Variants in BNIP5 observed in about 807,000 individuals in gnomAD.
The protein encoded by BNIP5 is protein BNIP5.
In BNIP5, 61 loss-of-function variants were observed where a neutral mutation model predicts 67.3. That is an observed-to-expected ratio of 0.91 (90% CI 0.74 to 1.12). The LOEUF (loss-of-function observed/expected upper bound fraction) is 1.12. Among genes scored for constraint, BNIP5 ranks in the 50% most tolerant of loss-of-function variants. BNIP5 has a pLI of 0.00. For missense variants in BNIP5, 826 were observed against 816.3 expected (o/e 1.01, Z -0.14); for synonymous variants, 317 against 319.0 (o/e 0.99, Z 0.07).
intron 7 of BNIP5, among the ~76,000 whole-genome samples, chr6:36,323,850 A>T (rs1220110338): frequency 2.0e-5 from 3 of 152,072 alleles, no homozygotes; most frequent in Admixed American, 6.6e-5. Flanking sequence ...AAATACAAAA[A>T]TTAGCCGGGT....
intron 1 of BNIP5, among the ~76,000 whole-genome samples, chr6:36,331,367 G>A (rs1771902965): frequency 6.6e-6 from 1 of 152,154 alleles, no homozygotes; most frequent in Non-Finnish European, 1.5e-5. Context: ...AGACTGATGT[G>A]GGACTTCTCC....
At chr6:36,331,084 G>A (rs1771895985) in intron 1 of BNIP5, among the ~76,000 whole-genome samples, 4 of 152,140 alleles carry the variant, frequency 2.6e-5, no homozygotes, top group African/African-American at 7.2e-5. Flanking sequence ...CTCAGCAGAG[G>A]CCTCCTGGGC....
chr6:36,332,276 T>C (rs765767537), intron 1 of BNIP5, among the ~76,000 whole-genome samples: 21 of 152,292 alleles, frequency 1.4e-4, no homozygotes, highest in Non-Finnish European at 2.2e-4. Flanking sequence ...AGTTTGTTCA[T>C]GGTTTGTTCC....
Position 36,319,555 on chromosome 6 carries a change from A to T in BNIP5, c.1724T>A (p.Leu575His), listed in dbSNP as rs1162687366. 1.9e-6 allele frequency: 3 copies of T among 1,613,976 alleles called. No homozygotes were observed. The South Asian group carries it at 3.3e-5, about 18-fold the overall frequency. Residue 575 changes from leucine to histidine, a missense_variant, in exon 11 of 12, where the codon CTC becomes CAC. Transcript: ENST00000437635. ...GCGCAGGGTGGCTACCAGCTTGCTG[A>T]GGGAGGAGTCCGAGAACTCGTAAAA... is the stretch of plus-strand genomic sequence containing the variant. ...RFFYEFSDSS[L>H]SKLVATLRSQ...
At chr6:36,323,599 G>A in intron 7 of BNIP5, 66 bp from the exon 8 acceptor site, 2 of 1,590,188 alleles carry the variant, frequency 1.3e-6, no homozygotes, top group Non-Finnish European at 1.7e-6. Flanking sequence ...GGTGAGGTGG[G>A]GAAAGAGAGC....
intron 2 of BNIP5, among the ~76,000 whole-genome samples, 155 bp downstream of exon 2, chr6:36,329,918 AAGGAAGGG>A (rs1771847843): frequency 6.7e-6 from 1 of 148,198 alleles, no homozygotes; most frequent in African/African-American, 2.5e-5. Context: ...GGAAGGAAAG[AAGGAAGGG>A]AGGGAGGAAG....
chr6:36,323,144 C>G (rs1582125388), intron 8 of BNIP5, 149 bp downstream of exon 8: 16 of 1,145,440 alleles, frequency 1.4e-5, no homozygotes, highest in South Asian at 6.1e-5. Context: ...CCACACCCCC[C>G]ACTCTACTCA....
At position 36,322,442 on chromosome 6, in the gene BNIP5, T is replaced by G; in HGVS notation, c.1472A>C (p.Asp491Ala). 6.2e-7 allele frequency: 1 copy of G among 1,612,564 alleles called. No homozygotes were observed. The highest frequency in any genetic ancestry group is 8.5e-7 in the Non-Finnish European group (1 of 1,179,406). The change falls in exon 9 of 12, where the codon GAT becomes GCT. Residue 491 changes from aspartate to alanine, a missense_variant and splice_region_variant. Transcript: ENST00000437635. ...GHRPSTSSSL[D>A]PEDLECREPL... ...CTCCCGGCACTCGAGATCTTCTGGA[T>G]CTAGGGCAAAAAAAGAGTTGTTGAG...
At chr6:36,331,298 C>T (rs1205080860) in intron 1 of BNIP5, among the ~76,000 whole-genome samples, 3 of 152,216 alleles carry the variant, frequency 2.0e-5, no homozygotes, top group African/African-American at 7.2e-5. Context: ...TGGTCAGCCG[C>T]ACCTCCAGAG....
Position 36,317,312 on chromosome 6 carries a change from AC to A in BNIP5, c.*43del. ...CAGGGTCTCCTGGCTAAAGCTGCGAACCATTTGGCTAGTTCAAGGGAATTTG... is the reference window on the plus strand; with the variant it reads ...CAGGGTCTCCTGGCTAAAGCTGCGAACATTTGGCTAGTTCAAGGGAATTTG... On this transcript the variant is annotated 3_prime_UTR_variant, in exon 12 of 12. Transcript: ENST00000437635. The A allele has an allele frequency of 6.5e-7, 1 of 1,544,990 alleles. No individual in the cohort carries two copies. The highest frequency in any genetic ancestry group is 9.0e-7 in the Non-Finnish European group (1 of 1,116,944).
rs867068440 is a variant in BNIP5 at position 36,323,595 on chromosome 6, G to A, written c.1231-62C>T. The A allele has an allele frequency of 4.4e-5, 70 of 1,598,190 alleles. 3 individuals carry two copies. The Middle Eastern group carries it at 7.1e-3, about 162-fold the overall frequency. On this transcript the variant is annotated intron_variant, in intron 7 of 11. Coordinates refer to ENST00000437635, the MANE Select transcript of BNIP5 (RefSeq NM_001010903.5). ...TGACCTTGAGGAGATCTCAGGTGAG[G>A]TGGGGAAAGAGAGCCACGGTGGGCT...
chr6:36,319,678 C>A, intron 10 of BNIP5, 68 bp from the exon 11 acceptor site: 1 of 1,551,914 alleles, frequency 6.4e-7, no homozygotes, highest in Non-Finnish European at 8.7e-7. Flanking sequence ...CTGCCCCTCC[C>A]ACAACTCCAT....
In BNIP5 at chr6:36,324,129, C is replaced by T. The variant is rs375528703; in HGVS notation, c.1230G>A (p.Glu410=). 3.0e-5 allele frequency: 49 copies of T among 1,613,354 alleles called. No homozygotes were observed. The South Asian group carries it at 4.8e-4, about 16-fold the overall frequency. The change falls in exon 7 of 12, where the codon GAG becomes GAA. Residue 410 remains glutamate, a splice_region_variant and synonymous_variant. Transcript: ENST00000437635. ...LQDAEEQQGE[E]QPQVQQEEVG... ...GTTACATGGGGAGCGTCTTCCTCAC[C>T]TCCTCTCCTTGCTGTTCTTCTGCAT...
chr6:36,322,029 G>A (rs972597840), intron 9 of BNIP5, among the ~76,000 whole-genome samples: 1 of 152,174 alleles, frequency 6.6e-6, no homozygotes, highest in Non-Finnish European at 1.5e-5. Flanking sequence ...TATGAGACCC[G>A]GAGCAAGCTA....
intron 6 of BNIP5, among the ~76,000 whole-genome samples, chr6:36,324,573 TATTATATATATATATATATA>T (rs1771714732): frequency 1.7e-5 from 1 of 59,812 alleles, no homozygotes; most frequent in African/African-American, 7.5e-5. Context: ...CTGACGGTGA[TATTATATATATATATATATA>T]TATATATATA....
intron 8 of BNIP5, among the ~76,000 whole-genome samples, chr6:36,322,895 C>G (rs1331470971): frequency 6.6e-6 from 1 of 152,234 alleles, no homozygotes; most frequent in Admixed American, 6.5e-5. Context: ...ACCAGTGGCC[C>G]TCAGGCTTTG....
In BNIP5 at chr6:36,335,171, T is replaced by C. The variant is rs146278584; in HGVS notation, c.-5+1541A>G. Reference sequence around the variant, plus strand: ...TGCCTTCCCCAAGCTTGCTGCTGTGTGTTGTTTACTTTCTAAGTTGCACGG... The same window carrying C: ...TGCCTTCCCCAAGCTTGCTGCTGTGCGTTGTTTACTTTCTAAGTTGCACGG... On this transcript the variant is annotated intron_variant, in intron 1 of 11. Coordinates refer to ENST00000437635, the MANE Select transcript of BNIP5 (RefSeq NM_001010903.5). 1.6e-3 allele frequency among the ~76,000 whole-genome samples: 242 copies of C among 152,310 alleles called. 2 individuals carry two copies. The highest frequency in any genetic ancestry group is 5.5e-3 in the African/African-American group (227 of 41,554).
chr6:36,326,973 G>A, intron 4 of BNIP5, 57 bp downstream of exon 4: 5 of 1,242,208 alleles, frequency 4.0e-6, no homozygotes, highest in Non-Finnish European at 5.7e-6. Flanking sequence ...GAGCTTGGCA[G>A]AGGAGGAGGA....
At position 36,323,158 on chromosome 6, in the gene BNIP5, T is replaced by C. The variant is rs1771673335; in HGVS notation, c.1471+135A>G. 4.7e-6 allele frequency: 6 copies of C among 1,286,994 alleles called. No homozygotes were observed. The Admixed American group carries it at 6.6e-5, about 14-fold the overall frequency. 79.7% of individuals were successfully genotyped at this position (1,286,994 alleles called of 1,614,324 possible). Reference sequence around the variant, plus strand: ...TCCACACCCCCCACTCTACTCAGCATGGAAAGACACAGTCAGGGCTTTCAG... The same window carrying C: ...TCCACACCCCCCACTCTACTCAGCACGGAAAGACACAGTCAGGGCTTTCAG... On this transcript the variant is annotated intron_variant, in intron 8 of 11. Transcript: ENST00000437635.
Sources: gnomAD v4.1 joint callset for allele counts (sites outside exome capture counted in the v4.1 genomes callset) on GRCh38, gnomAD v4.1.1 for gene constraint, MANE v1.5 for transcripts, NCBI Gene and HGNC (gene_info 2026-07-23, HGNC 2026-07-21) for gene names.